The following SOX6 variants were observed in gnomAD, a reference collection of about 807,000 sequenced individuals.
The protein encoded by SOX6 is SRY-box transcription factor 6, also known as transcription factor SOX-6.
In SOX6, 11 loss-of-function variants were observed where a neutral mutation model predicts 97.8. That is an observed-to-expected ratio of 0.11 (90% CI 0.07 to 0.19). SOX6 has a LOEUF of 0.19. Among genes scored for constraint, SOX6 ranks in the 10% least tolerant of loss-of-function variants. The probability of loss-of-function intolerance (pLI) is 1.00; values close to 1 mark genes in which losing one functional copy is unlikely to be tolerated. For missense variants in SOX6, 810 were observed against 1,039.5 expected, an observed-to-expected ratio of 0.78 and a Z score of 3.04; for synonymous variants, 360 against 371.4, an observed-to-expected ratio of 0.97 and a Z score of 0.35.
chr11:16,438,917 C>T lies in SOX6; in HGVS notation c.-5+37398G>A, dbSNP rs192453859. On this transcript the variant is annotated intron_variant, in intron 1 of 15. Coordinates refer to the SOX6 transcript ENST00000396356. ...ACAGAAGTAACCTTATAATAACCTT[C>T]TGACAAGAAGTACAGGAGAGCATGT... Among the ~76,000 whole-genome samples, 20 of 152,228 alleles carry T rather than the reference C, an allele frequency of 1.3e-4. No individual in the cohort carries two copies. In the East Asian group the frequency reaches 2.3e-3, roughly 18 times the overall value.
intron 3 of SOX6, among the ~76,000 whole-genome samples, chr11:16,643,285 A>G (rs1027273885): frequency 6.6e-6 from 1 of 152,208 alleles, no homozygotes; most frequent in Non-Finnish European, 1.5e-5. Flanking sequence ...GTTTTGTCTC[A>G]GAGGGGTACC....
chr11:16,495,642 A>T (rs1011865904), intron 4 of SOX6, among the ~76,000 whole-genome samples: 5 of 152,194 alleles, frequency 3.3e-5, no homozygotes, highest in African/African-American at 9.6e-5. Context: ...GTTGTGAGCC[A>T]AAAGGTTGTT....
chr11:16,169,833 TG>T (rs1850984547), intron 6 of SOX6, among the ~76,000 whole-genome samples: 1 of 151,980 alleles, frequency 6.6e-6, no homozygotes. Flanking sequence ...GAGGTGCTGA[TG>T]GGGGCACCTC....
intron 4 of SOX6, among the ~76,000 whole-genome samples, chr11:16,507,213 G>A (rs1162334569): frequency 6.6e-6 from 1 of 152,026 alleles, no homozygotes; most frequent in Non-Finnish European, 1.5e-5. Flanking sequence ...AGCCTCCCCA[G>A]AAGCAGAAGC....
Position 16,049,774 on chromosome 11 carries a change from C to G in SOX6, c.1416G>C (p.Leu472=), listed in dbSNP as rs369308854. The change falls in exon 11 of 16, where the codon CTG becomes CTC. Residue 472 remains leucine, a synonymous_variant. Transcript: ENST00000683767. ...ATTTACCTAAAGAGGATCCTCTTCC[C>G]AGGCTTCCTCCAATGGGGCTAGGGA... is the stretch of plus-strand genomic sequence containing the variant. ...SSIPSPIGGS[L]GRGSSLDILS... 1.4e-5 allele frequency: 22 copies of G among 1,613,460 alleles called. No individual in the cohort carries two copies. In the East Asian group the frequency reaches 4.7e-4, roughly 34 times the overall value.
intron 10 of SOX6, among the ~76,000 whole-genome samples, chr11:16,050,626 A>G (rs919840616): frequency 2.0e-5 from 3 of 152,198 alleles, no homozygotes; most frequent in African/African-American, 7.2e-5. Flanking sequence ...GTTTCTTTAT[A>G]TGCTTTTCTA....
chr11:16,657,559 T>G (rs1847732428), intron 3 of SOX6, among the ~76,000 whole-genome samples: 1 of 152,260 alleles, frequency 6.6e-6, no homozygotes, highest in Non-Finnish European at 1.5e-5. Context: ...TGCATTCCAA[T>G]GAACAATGAA....
At chr11:16,254,619 A>G (rs1366160104) in intron 3 of SOX6, among the ~76,000 whole-genome samples, 1 of 152,088 alleles carries the variant, frequency 6.6e-6, no homozygotes, top group African/African-American at 2.4e-5. Flanking sequence ...TAAAAGAAGT[A>G]TAACTGATAT....
chr11:16,002,900 C>A (rs532738031), intron 13 of SOX6, among the ~76,000 whole-genome samples: 10 of 152,284 alleles, frequency 6.6e-5, no homozygotes, highest in African/African-American at 2.4e-4. Flanking sequence ...TGAATCCATC[C>A]TCTCATTTCA....
At chr11:16,219,049 C>A (rs1460085454) in intron 4 of SOX6, among the ~76,000 whole-genome samples, 1 of 152,052 alleles carries the variant, frequency 6.6e-6, no homozygotes. Context: ...GCTTTAAAAA[C>A]GTGCTAGGCA....
At chr11:16,110,588 A>G (rs1327491704) in intron 7 of SOX6, among the ~76,000 whole-genome samples, 1 of 152,150 alleles carries the variant, frequency 6.6e-6, no homozygotes, top group Non-Finnish European at 1.5e-5. Flanking sequence ...TGATTCATTT[A>G]TATGTGAGGA....
At chr11:16,251,736 C>T (rs551911425) in intron 3 of SOX6, among the ~76,000 whole-genome samples, 4 of 151,780 alleles carry the variant, frequency 2.6e-5, no homozygotes, top group Admixed American at 1.3e-4. Context: ...AGCCAAATAT[C>T]GACAGGGACA....
intron 4 of SOX6, among the ~76,000 whole-genome samples, chr11:16,568,016 T>C (rs903772390): frequency 1.1e-4 from 17 of 152,012 alleles, no homozygotes; most frequent in African/African-American, 3.9e-4. Flanking sequence ...ATGGCTAAGA[T>C]AGTGACACTT....
intron 3 of SOX6, among the ~76,000 whole-genome samples, chr11:16,664,830 A>T (rs917910890): frequency 3.3e-5 from 5 of 151,972 alleles, no homozygotes; most frequent in Admixed American, 3.3e-4. Flanking sequence ...GGTAAAGAGT[A>T]CTTTGTCTTG....
At chr11:16,152,318 G>A (rs1850479920) in intron 6 of SOX6, among the ~76,000 whole-genome samples, 2 of 152,094 alleles carry the variant, frequency 1.3e-5, no homozygotes, top group Non-Finnish European at 1.5e-5. Flanking sequence ...AAAAGTCACA[G>A]GCGTGTTTGA....
At chr11:16,441,098 C>T (rs1025442835) in intron 1 of SOX6, among the ~76,000 whole-genome samples, 4 of 152,070 alleles carry the variant, frequency 2.6e-5, no homozygotes, top group Non-Finnish European at 5.9e-5. Flanking sequence ...CCTCATGTCA[C>T]ATCCAGAGAC....
At chr11:16,528,576 T>C (rs1280652501) in intron 4 of SOX6, among the ~76,000 whole-genome samples, 1 of 152,108 alleles carries the variant, frequency 6.6e-6, no homozygotes, top group Non-Finnish European at 1.5e-5. Context: ...AAAACCAGTA[T>C]TGGCTATCAC....
At chr11:16,139,606 T>C (rs1363517118) in intron 6 of SOX6, among the ~76,000 whole-genome samples, 3 of 152,108 alleles carry the variant, frequency 2.0e-5, no homozygotes, top group Non-Finnish European at 4.4e-5. Flanking sequence ...CCTCACTTTC[T>C]GGAATAATAA....
At chr11:16,705,633 GA>G (rs147138738) in intron 3 of SOX6, among the ~76,000 whole-genome samples, 24,742 of 151,428 alleles carry the variant, frequency 0.16, 2,669 homozygotes, top group East Asian at 0.32. Flanking sequence ...CCTCTAGGGG[GA>G]AAAAAAACTA....
Sources: gnomAD v4.1 joint callset for allele counts (sites outside exome capture counted in the v4.1 genomes callset) on GRCh38, gnomAD v4.1.1 for gene constraint, MANE v1.5 for transcripts, NCBI Gene and HGNC (gene_info 2026-07-23, HGNC 2026-07-21) for gene names.